The following SMARCC1 variants were observed in gnomAD, a reference collection of about 807,000 sequenced individuals.
SMARCC1 encodes the protein SWI/SNF complex subunit SMARCC1.
SMARCC1 carries 43 observed loss-of-function variants against 147.4 expected under a neutral mutation model. That is an observed-to-expected ratio of 0.29 (90% confidence interval 0.23 to 0.38). The LOEUF is 0.38. SMARCC1 is among the 10% of genes least tolerant of loss of function. SMARCC1 has a pLI of 1.00. For missense variants in SMARCC1, 1,119 were observed against 1,381.1 expected, an observed-to-expected ratio of 0.81 and a Z score of 3.01; for synonymous variants, 495 against 484.4, an observed-to-expected ratio of 1.02 and a Z score of -0.29.
At chr3:47,696,077 A>AGGGG (rs56779302) in intron 11 of SMARCC1, among the ~76,000 whole-genome samples, 2 of 25,158 alleles carry the variant, frequency 7.9e-5, no homozygotes, top group Non-Finnish European at 1.6e-4. Flanking sequence ...AAAAAAAAAA[A>AGGGG]GGGGGGGGGG....
chr3:47,617,997 C>T (rs1403578), intron 25 of SMARCC1, among the ~76,000 whole-genome samples: 90,302 of 151,836 alleles, frequency 0.59, 28,124 homozygotes, highest in East Asian at 0.72. Flanking sequence ...ATAACTAATA[C>T]AATTGGATTA....
intron 13 of SMARCC1, among the ~76,000 whole-genome samples, chr3:47,687,616 TG>T (rs1216045507): frequency 6.6e-6 from 1 of 152,196 alleles, no homozygotes; most frequent in East Asian, 1.9e-4. Context: ...CATAGGCAGG[TG>T]CCACCACACC....
At chr3:47,755,572 A>G (rs976103652) in intron 2 of SMARCC1, among the ~76,000 whole-genome samples, 2 of 151,738 alleles carry the variant, frequency 1.3e-5, no homozygotes, top group African/African-American at 4.8e-5. Context: ...TTAAAATGTA[A>G]AACAGGCCAG....
intron 15 of SMARCC1, among the ~76,000 whole-genome samples, chr3:47,678,711 C>T (rs35286611): frequency 6.6e-6 from 1 of 152,170 alleles, no homozygotes; most frequent in Non-Finnish European, 1.5e-5. Flanking sequence ...TCCTCATAAT[C>T]GCTCTATATT....
At chr3:47,758,605 C>T (rs753701005) in intron 2 of SMARCC1, among the ~76,000 whole-genome samples, 4 of 152,114 alleles carry the variant, frequency 2.6e-5, no homozygotes, top group Admixed American at 1.3e-4. Flanking sequence ...CACTCATTTA[C>T]GTATTGTATA....
At chr3:47,769,663 G>A (rs1297262485) in intron 2 of SMARCC1, among the ~76,000 whole-genome samples, 1 of 152,080 alleles carries the variant, frequency 6.6e-6, no homozygotes, top group Non-Finnish European at 1.5e-5. Flanking sequence ...ACATCACCAA[G>A]TAAGTCAAAG....
In SMARCC1 at chr3:47,701,380, G is replaced by A. The variant is rs774816681; in HGVS notation, c.1063C>T (p.Arg355Cys). The A allele has an allele frequency of 3.1e-6, 5 of 1,613,340 alleles. No individual in the cohort carries two copies. The highest frequency in any genetic ancestry group is 1.7e-6 in the Non-Finnish European group (2 of 1,179,592). ...TCATCTTCCTCTTTCTGACTTCTGC[G>A]CTTCCCATAAAGGCTAGCTTGGCTA... ...KKGQASLYGKRRSQKEEDEQE... is the reference protein window; with the variant it reads ...KKGQASLYGKCRSQKEEDEQE... Residue 355 changes from arginine to cysteine, a missense_variant, in exon 11 of 28, where the codon CGC becomes TGC. Around this residue, in one of 6 missense-constraint regions of SMARCC1, gnomAD observed 542 missense variants for 611.8 expected, o/e 0.89. Coordinates refer to ENST00000254480, the MANE Select transcript of SMARCC1 (RefSeq NM_003074.4).
Position 47,684,056 on chromosome 3 carries a change from C to T in SMARCC1, c.1385+1993G>A, listed in dbSNP as rs1465452398. Among the ~76,000 whole-genome samples, 13 of 152,030 alleles carry T rather than the reference C, an allele frequency of 8.6e-5. No homozygotes were observed. In the South Asian group the frequency reaches 1.2e-3, roughly 15 times the overall value. ...TCACGAGGTCAGGAGATCGAGACCA[C>T]GGTGAAACCCCGTCTCTACTAAAAA... On this transcript the variant is annotated intron_variant, in intron 14 of 27. Transcript: ENST00000254480.
At chr3:47,633,777 T>TACACACACACACACAC (rs1207095997) in intron 24 of SMARCC1, among the ~76,000 whole-genome samples, 3 of 46,522 alleles carry the variant, frequency 6.4e-5, no homozygotes, top group African/African-American at 2.6e-4. Flanking sequence ...TATATATATA[T>TACACACACACACACAC]ATACACACAC....
chr3:47,735,988 T>C lies in SMARCC1; in HGVS notation c.576+46A>G, dbSNP rs368028747. 16 of 861,786 alleles carry C rather than the reference T, an allele frequency of 1.9e-5. No individual in the cohort carries two copies. In the African/African-American group the frequency reaches 2.3e-4, roughly 12 times the overall value. 53.4% of individuals were successfully genotyped at this position (861,786 alleles called of 1,614,324 possible). A position where few individuals can be genotyped will look rare whatever the true frequency, so the allele number is the denominator to read the frequency against. On this transcript the variant is annotated intron_variant, in intron 5 of 27. Coordinates refer to ENST00000254480, the MANE Select transcript of SMARCC1 (RefSeq NM_003074.4). ...TTATTAGAGGCTTACAACTACAAAATGAAGTGATCGTGTCTATTATTATCT... is the reference window on the plus strand; with the variant it reads ...TTATTAGAGGCTTACAACTACAAAACGAAGTGATCGTGTCTATTATTATCT...
chr3:47,750,370 G>A (rs1345946080), intron 2 of SMARCC1, among the ~76,000 whole-genome samples: 1 of 152,146 alleles, frequency 6.6e-6, no homozygotes, highest in Non-Finnish European at 1.5e-5. Flanking sequence ...GAGAGGCAGA[G>A]GATGCAGTGA....
intron 26 of SMARCC1, among the ~76,000 whole-genome samples, chr3:47,598,750 C>T (rs1452960357): frequency 1.4e-5 from 2 of 147,052 alleles, no homozygotes; most frequent in African/African-American, 5.0e-5. Context: ...ATAGTTTGAA[C>T]CTGGAAGGTG....
At chr3:47,715,300 A>C (rs1282829205) in intron 7 of SMARCC1, among the ~76,000 whole-genome samples, 1 of 152,166 alleles carries the variant, frequency 6.6e-6, no homozygotes, top group Non-Finnish European at 1.5e-5. Flanking sequence ...TTCCAAACCT[A>C]ACACTCAAAG....
At chr3:47,742,745 G>T (rs988171027) in intron 3 of SMARCC1, among the ~76,000 whole-genome samples, 1 of 152,104 alleles carries the variant, frequency 6.6e-6, no homozygotes, top group African/African-American at 2.4e-5. Flanking sequence ...ACCACACCCA[G>T]CTAATTTTCC....
chr3:47,698,241 A>G (rs1453662260), intron 11 of SMARCC1, among the ~76,000 whole-genome samples: 1 of 152,080 alleles, frequency 6.6e-6, no homozygotes, highest in Non-Finnish European at 1.5e-5. Context: ...ATCAGTGGAT[A>G]CTGAAGAACG....
intron 21 of SMARCC1, among the ~76,000 whole-genome samples, chr3:47,646,599 G>A (rs1306256644): frequency 6.6e-6 from 1 of 152,202 alleles, no homozygotes; most frequent in Admixed American, 6.5e-5. Context: ...TATTGGAGAA[G>A]AGATTTAAAT....
At chr3:47,657,043 A>G (rs1315184645) in intron 21 of SMARCC1, among the ~76,000 whole-genome samples, 2 of 152,234 alleles carry the variant, frequency 1.3e-5, no homozygotes, top group Non-Finnish European at 2.9e-5. Flanking sequence ...ACATTCTGTA[A>G]AAGATAAAAG....
At chr3:47,745,807 C>A in intron 3 of SMARCC1, 101 bp downstream of exon 3, 1 of 637,266 alleles carries the variant, frequency 1.6e-6, no homozygotes, top group Non-Finnish European at 2.6e-6. Flanking sequence ...TGGTAAAACA[C>A]ATTAATCATC....
At chr3:47,672,355 G>A (rs1483936778) in intron 18 of SMARCC1, among the ~76,000 whole-genome samples, 4 of 152,134 alleles carry the variant, frequency 2.6e-5, no homozygotes, top group East Asian at 1.9e-4. Flanking sequence ...ACAGGCGCCC[G>A]CCAACACGCC....
Sources: gnomAD v4.1 joint callset for allele counts (sites outside exome capture counted in the v4.1 genomes callset) on GRCh38, gnomAD v4.1.1 for gene constraint, gnomAD v4.1.1 regional missense constraint, MANE v1.5 for transcripts, NCBI Gene and HGNC (gene_info 2026-07-23, HGNC 2026-07-21) for gene names.